Variants in CASP2 observed in about 807,000 individuals in gnomAD.
The protein encoded by CASP2 is caspase-2.
A neutral mutation model predicts 54.4 loss-of-function variants in CASP2; 38 were observed. The observed-to-expected ratio is 0.70, with a 90% CI of 0.54 to 0.92. The LOEUF is 0.92. Ranked by LOEUF, CASP2 falls within the 40% of genes least tolerant of loss-of-function variation. CASP2 has a pLI of 0.00. For missense variants in CASP2, 512 were observed against 579.6 expected, an observed-to-expected ratio of 0.88 and a Z score of 1.20; for synonymous variants, 215 against 216.3, an observed-to-expected ratio of 0.99 and a Z score of 0.05.
chr7:143,288,578 G>T (rs1020618198), intron 1 of CASP2, 49 bp downstream of exon 1: 1 of 1,531,470 alleles, frequency 6.5e-7, no homozygotes, highest in Non-Finnish European at 9.0e-7. Context: ...CAGGGAAGGG[G>T]AGCGTGGCCC....
chr7:143,296,452 G>T (rs553445406), intron 6 of CASP2, among the ~76,000 whole-genome samples: 1 of 152,352 alleles, frequency 6.6e-6, no homozygotes, highest in African/African-American at 2.4e-5. Flanking sequence ...AGAAGAAGAA[G>T]CGCCTAGGTA....
intron 8 of CASP2, chr7:143,302,022 C>G (rs1022344559): frequency 1.4e-4 from 22 of 152,224 alleles, no homozygotes; most frequent in African/African-American, 5.1e-4. Context: ...AGGCCCAGGG[C>G]ACTGCCTGAT....
chr7:143,301,671 C>T (rs945081051), intron 8 of CASP2: 1 of 152,030 alleles, frequency 6.6e-6, no homozygotes, highest in Non-Finnish European at 1.5e-5. Context: ...TAGAGTCTGT[C>T]GTAGGAAAGA....
intron 1 of CASP2, among the ~76,000 whole-genome samples, chr7:143,288,781 G>C (rs969417372): frequency 6.6e-6 from 1 of 152,238 alleles, no homozygotes; most frequent in African/African-American, 2.4e-5. Context: ...CAACCCACGA[G>C]GGTTCTAAAG....
Position 143,292,464 on chromosome 7 carries a change from A to G in CASP2, c.390A>G (p.Pro130=), listed in dbSNP as rs538096948. 3 of 1,614,104 alleles carry G rather than the reference A, an allele frequency of 1.9e-6. No homozygotes were observed. The highest frequency in any genetic ancestry group is 2.2e-5 in the South Asian group (2 of 91,082). Residue 130 remains proline, a synonymous_variant, in exon 3 of 11, where the codon CCA becomes CCG. Coordinates refer to ENST00000310447, the MANE Select transcript of CASP2 (RefSeq NM_032982.4). The stretch of plus-strand genomic sequence containing the variant: ...TTTCTGGGCTTCAGCATGTACTCCC[A>G]CCGGTATGAAGCTTTAGTAATATGG... ...TTLSGLQHVL[P]PLSCDYDLSL...
chr7:143,306,268 T>TC lies in CASP2; in HGVS notation c.*1197_*1198insC, dbSNP rs1199488577. The TC allele has an allele frequency of 7.0e-6, 1 of 143,376 alleles. No homozygotes were observed. Among genetic ancestry groups the TC allele is most frequent in the African/African-American group, 2.6e-5 (1 of 38,312 alleles). 8.9% of individuals were successfully genotyped at this position (143,376 alleles called of 1,614,324 possible). ...TTAAGACTTTTTTTTTTTTTTTTTT[T>TC]TTTTTTGAGACAGAGTCTCGCTCTG... On this transcript the variant is annotated 3_prime_UTR_variant, in exon 11 of 11. Coordinates refer to ENST00000310447, the MANE Select transcript of CASP2 (RefSeq NM_032982.4).
intron 6 of CASP2, among the ~76,000 whole-genome samples, chr7:143,299,517 T>C (rs1801852008): frequency 6.6e-6 from 1 of 152,264 alleles, no homozygotes; most frequent in South Asian, 2.1e-4. Context: ...TGTAGCTGAA[T>C]GTGCATGTTA....
Position 143,294,474 on chromosome 7 carries a change from A to G in CASP2, c.571-123A>G, listed in dbSNP as rs764048864. 2.2e-5 allele frequency: 25 copies of G among 1,119,004 alleles called. 1 individual carries two copies. In the South Asian group the frequency reaches 2.4e-4, roughly 11 times the overall value. The allele number at this position is 1,119,004 out of a possible 1,614,324, so 69.3% of individuals were successfully genotyped here. On this transcript the variant is annotated intron_variant, in intron 5 of 10. Transcript: ENST00000310447. ...AAATGCCTTCTGTGAGCATTTGTCT[A>G]TTTTTACCTGCTGGAGGTTAAGAAG...
intron 4 of CASP2, among the ~76,000 whole-genome samples, chr7:143,292,920 A>T (rs1298559693): frequency 6.6e-6 from 1 of 152,088 alleles, no homozygotes; most frequent in Non-Finnish European, 1.5e-5. Context: ...CTGGGGCAGG[A>T]GAATTGCTAG....
At chr7:143,297,662 G>A (rs1412060894) in intron 6 of CASP2, among the ~76,000 whole-genome samples, 1 of 151,990 alleles carries the variant, frequency 6.6e-6, no homozygotes, top group Admixed American at 6.6e-5. Context: ...GGTCAGGCTG[G>A]TCTCAAACTC....
At chr7:143,291,923 C>G (rs1801584497) in intron 2 of CASP2, among the ~76,000 whole-genome samples, 1 of 151,572 alleles carries the variant, frequency 6.6e-6, no homozygotes, top group Non-Finnish European at 1.5e-5. Context: ...GGACTACAGG[C>G]AGGTGCCACC....
In CASP2 at chr7:143,292,689, C is replaced by A. The variant is rs985908902; in HGVS notation, c.466C>A (p.Leu156Met). Residue 156 changes from leucine to methionine, a missense_variant, in exon 4 of 11, where the codon CTG becomes ATG. By Grantham distance (15) the Leu-to-Met change is conservative. Coordinates refer to ENST00000310447, the MANE Select transcript of CASP2 (RefSeq NM_032982.4). ...CTGTCCCCTTTACAAGAAGCTCCGC[C>A]TGTCGACAGGTGAGAATTGATGGAC... ...ESCPLYKKLR[L>M]STDTVEHSLD... 6.2e-7 allele frequency: 1 copy of A among 1,612,456 alleles called. No homozygotes were observed. The highest frequency in any genetic ancestry group is 1.7e-5 in the Admixed American group (1 of 60,020).
chr7:143,292,172 C>T, intron 2 of CASP2, 128 bp from the exon 3 acceptor site: 8 of 852,044 alleles, frequency 9.4e-6, no homozygotes, highest in Non-Finnish European at 1.5e-5. Context: ...GAAAGGACTT[C>T]ACCCATACAT....
chr7:143,294,759 G>T lies in CASP2; in HGVS notation c.733G>T (p.Asp245Tyr). ...LLGYDVHVLC[D>Y]QTAQEMQEKL... ...GGGCTATGACGTCCATGTTCTATGTGACCAGACTGCACAGGTACCTGAGGT... is the reference window on the plus strand; with the variant it reads ...GGGCTATGACGTCCATGTTCTATGTTACCAGACTGCACAGGTACCTGAGGT... Residue 245 changes from aspartate (D) to tyrosine (Y), a missense_variant, in exon 6 of 11, where the codon GAC (aspartate) becomes TAC (tyrosine). Transcript: ENST00000310447. The T allele has an allele frequency of 6.2e-7, 1 of 1,614,118 alleles. No homozygotes were observed. The highest frequency in any genetic ancestry group is 1.1e-5 in the South Asian group (1 of 91,068).
At position 143,299,075 on chromosome 7, in the gene CASP2, G is replaced by A. The variant is rs114336419; in HGVS notation, c.748-848G>A. On this transcript the variant is annotated intron_variant, in intron 6 of 10. Transcript: ENST00000310447. ...CCTAGGCTCCAGTGATCCCTCCACC[G>A]TAGCCTTTAGAGTAGCTGGGACTAT... Among the ~76,000 whole-genome samples, 472 of 151,848 alleles carry A rather than the reference G, an allele frequency of 3.1e-3. 6 individuals are homozygous for A. The highest frequency in any genetic ancestry group is 9.2e-3 in the African/African-American group (381 of 41,414).
chr7:143,288,969 A>G (rs1383896660), intron 1 of CASP2, among the ~76,000 whole-genome samples: 1 of 152,238 alleles, frequency 6.6e-6, no homozygotes, highest in Non-Finnish European at 1.5e-5. Context: ...TATCGATTGT[A>G]TCATGATCTG....
rs1802094072 is a variant in CASP2 at position 143,307,437 on chromosome 7, G to T, written c.*2366G>T. 6.6e-6 allele frequency: 1 copy of T among 152,112 alleles called. No individual in the cohort carries two copies. The highest frequency in any genetic ancestry group is 2.1e-4 in the South Asian group (1 of 4,828). The allele number at this position is 152,112 out of a possible 1,614,324, so 9.4% of individuals were successfully genotyped here. A position where few individuals can be genotyped will look rare whatever the true frequency, so the allele number is the denominator to read the frequency against. On this transcript the variant is annotated 3_prime_UTR_variant, in exon 11 of 11. Transcript: ENST00000310447. Reference sequence around the variant, plus strand: ...CCATGTGTTTTGCTTTTATCCACTGGCATTTTTAGCTCCTTGAAGACATAT... The same window carrying T: ...CCATGTGTTTTGCTTTTATCCACTGTCATTTTTAGCTCCTTGAAGACATAT...
chr7:143,294,250 G>C lies in CASP2; in HGVS notation c.496G>C (p.Asp166His), dbSNP rs763103078. ...CACAGATACTGTGGAACACTCCCTA[G>C]ACAATAAAGATGGTCCTGTCTGCCT... The part of the protein sequence containing the change: ...LSTDTVEHSL[D>H]NKDGPVCLQV... Residue 166 changes from aspartate (D) to histidine (H), a missense_variant, in exon 5 of 11, where the codon GAC becomes CAC. By Grantham distance (81) the Asp-to-His change is moderately conservative (BLOSUM62 -1). Coordinates refer to ENST00000310447, the MANE Select transcript of CASP2 (RefSeq NM_032982.4). The C allele has an allele frequency of 3.7e-6, 6 of 1,608,916 alleles. No homozygotes were observed. The South Asian group carries it at 6.6e-5, about 18-fold the overall frequency.
rs1284548391 is a variant in CASP2 at position 143,300,334 on chromosome 7, T to C, written c.967+40T>C. The C allele has an allele frequency of 9.3e-6, 15 of 1,608,910 alleles. No individual in the cohort carries two copies. The African/African-American group carries it at 1.9e-4, about 20-fold the overall frequency. On this transcript the variant is annotated intron_variant, in intron 8 of 10. Coordinates refer to ENST00000310447, the MANE Select transcript of CASP2 (RefSeq NM_032982.4). ...AGACCAGCACCTGGGTGGTGGCTCC[T>C]GGGCAGCCTCCCACCAGCTCTCACT...
Sources: gnomAD v4.1 joint callset for allele counts (sites outside exome capture counted in the v4.1 genomes callset) on GRCh38, gnomAD v4.1.1 for gene constraint, MANE v1.5 for transcripts, NCBI Gene and HGNC (gene_info 2026-07-23, HGNC 2026-07-21) for gene names.